CMKLR1: variants seen among roughly 807,000 people sequenced by gnomAD.
The protein encoded by CMKLR1 is chemerin chemokine-like receptor 1.
Under a neutral mutation model 8.2 loss-of-function variants are expected in CMKLR1, and 6 were observed. The observed-to-expected ratio is 0.73, with a 90% CI of 0.40 to 1.44. CMKLR1 has a LOEUF of 1.44. CMKLR1 is among the 40% of genes most tolerant of loss of function. CMKLR1 has a pLI of 0.02. For synonymous variants in CMKLR1, 178 were observed against 181.2 expected (o/e 0.98, Z 0.14); for missense variants, 429 against 478.0 (o/e 0.90, Z 0.96).
At chr12:108,336,312 C>T (rs111747696) in intron 1 of CMKLR1, among the ~76,000 whole-genome samples, 13 of 152,170 alleles carry the variant, frequency 8.5e-5, no homozygotes, top group African/African-American at 2.6e-4. Flanking sequence ...TTTTGGAGGC[C>T]GAGGTGGGTG....
intron 2 of CMKLR1, among the ~76,000 whole-genome samples, chr12:108,319,274 C>T (rs1891802281): frequency 6.6e-6 from 1 of 152,206 alleles, no homozygotes; most frequent in Non-Finnish European, 1.5e-5. Flanking sequence ...CCATCCCTTA[C>T]TTTGCCCCAG....
chr12:108,333,361 C>T (rs1408539251), intron 1 of CMKLR1, among the ~76,000 whole-genome samples: 1 of 152,144 alleles, frequency 6.6e-6, no homozygotes, highest in Non-Finnish European at 1.5e-5. Context: ...AGGCCCAGGG[C>T]ACTCTCCACC....
In CMKLR1 at chr12:108,292,958, C is replaced by G; in HGVS notation, c.5G>C (p.Arg2Thr). The G allele has an allele frequency of 6.2e-7, 1 of 1,603,580 alleles. No individual in the cohort carries two copies. Among genetic ancestry groups the G allele is most frequent in the Non-Finnish European group, 8.5e-7 (1 of 1,173,458 alleles). M[R>T]MEDEDYNTSI... ...AGTGTTGTAATCTTCATCCTCCATT[C>G]TCTGCAAGAGAAGACAGGGACCATT... The change falls in exon 4 of 4, where the codon AGA (arginine) becomes ACA (threonine). Residue 2 changes from arginine to threonine, a missense_variant and splice_region_variant. Coordinates refer to ENST00000550402, the MANE Select transcript of CMKLR1 (RefSeq NM_001142343.2).
intron 2 of CMKLR1, among the ~76,000 whole-genome samples, chr12:108,302,759 T>G (rs1440728111): frequency 6.6e-6 from 1 of 152,160 alleles, no homozygotes; most frequent in Non-Finnish European, 1.5e-5. Flanking sequence ...ACACACGTTT[T>G]GCAAGAATCC....
chr12:108,337,775 T>C (rs1377316500), intron 1 of CMKLR1, among the ~76,000 whole-genome samples: 1 of 152,148 alleles, frequency 6.6e-6, no homozygotes, highest in Admixed American at 6.5e-5. Flanking sequence ...TGACACATCA[T>C]CATTTGAGTG....
At chr12:108,294,255 AC>A (rs1430441573) in intron 2 of CMKLR1, among the ~76,000 whole-genome samples, 1 of 152,206 alleles carries the variant, frequency 6.6e-6, no homozygotes, top group Non-Finnish European at 1.5e-5. Context: ...CCCTATGGGA[AC>A]CATGAATGAG....
rs200591654 is a variant in CMKLR1, at chr12:108,292,259, A to C, written c.704T>G (p.Ile235Ser). Residue 235 changes from isoleucine to serine, a missense_variant, in exon 4 of 4, where the codon ATC (isoleucine) becomes AGC (serine). Physicochemically the swap from Ile to Ser is moderately radical, Grantham distance 142. Coordinates refer to ENST00000550402, the MANE Select transcript of CMKLR1 (RefSeq NM_001142343.2). ...GATGGTGAGGTAGCAAGCTGTGATG[A>C]TGAGGACTGGGACCAGGAAGCCACA... ...FLCGFLVPVL[I>S]ITACYLTIVC... 10 of 1,613,994 alleles carry C rather than the reference A, an allele frequency of 6.2e-6. No individual in the cohort carries two copies. The highest frequency in any genetic ancestry group is 1.3e-5 in the African/African-American group (1 of 74,918).
intron 3 of CMKLR1, among the ~76,000 whole-genome samples, chr12:108,293,197 T>C (rs1034225521): frequency 6.6e-6 from 1 of 152,184 alleles, no homozygotes; most frequent in Non-Finnish European, 1.5e-5. Flanking sequence ...ATGAGGTAGG[T>C]AGGTTATGAG....
chr12:108,319,358 G>A (rs1891803937), intron 2 of CMKLR1, among the ~76,000 whole-genome samples: 1 of 152,148 alleles, frequency 6.6e-6, no homozygotes, highest in Non-Finnish European at 1.5e-5. Flanking sequence ...CAAGCAACTT[G>A]CCCAAGATCA....
intron 2 of CMKLR1, among the ~76,000 whole-genome samples, chr12:108,319,574 T>C (rs1252887267): frequency 6.6e-6 from 1 of 152,236 alleles, no homozygotes; most frequent in Non-Finnish European, 1.5e-5. Context: ...ACAAAGTACA[T>C]ACCTCATAAA....
chr12:108,333,987 A>C (rs1892166263), intron 1 of CMKLR1, among the ~76,000 whole-genome samples: 1 of 152,262 alleles, frequency 6.6e-6, no homozygotes, highest in Non-Finnish European at 1.5e-5. Flanking sequence ...ACTGCATCTC[A>C]GTCCTGGCCT....
rs78384048 is a variant in CMKLR1 at position 108,292,312 on chromosome 12, G to C, written c.651C>G (p.His217Gln). 578 of 1,614,194 alleles carry C rather than the reference G, an allele frequency of 3.6e-4. 8 individuals are homozygous for C. In the East Asian group the frequency reaches 0.013, roughly 36 times the overall value. The change falls in exon 4 of 4, where the codon CAC (histidine) becomes CAG (glutamine). Residue 217 changes from histidine to glutamine, a missense_variant. His to Gln is a conservative substitution (Grantham distance 24, BLOSUM62 0). Coordinates refer to ENST00000550402, the MANE Select transcript of CMKLR1 (RefSeq NM_001142343.2). Reference sequence around the variant, plus strand: ...GGAAGCGGGTGACAGTCACCACCATGTGCCGGCTATACCCCACAGGGTCCA... The same window carrying C: ...GGAAGCGGGTGACAGTCACCACCATCTGCCGGCTATACCCCACAGGGTCCA... ...SQMDPVGYSR[H>Q]MVVTVTRFLC... is the part of the protein sequence containing the mutation.
At chr12:108,305,535 G>T (rs1486610088) in intron 2 of CMKLR1, among the ~76,000 whole-genome samples, 1 of 152,176 alleles carries the variant, frequency 6.6e-6, no homozygotes, top group Non-Finnish European at 1.5e-5. Context: ...CCATTCACCA[G>T]ATCTCCTACC....
At chr12:108,333,481 G>A (rs932265168) in intron 1 of CMKLR1, among the ~76,000 whole-genome samples, 1 of 152,188 alleles carries the variant, frequency 6.6e-6, no homozygotes, top group Non-Finnish European at 1.5e-5. Context: ...ACACCCAGAT[G>A]TGCAAAGGCC....
At chr12:108,295,692 G>T (rs1214098584) in intron 2 of CMKLR1, among the ~76,000 whole-genome samples, 2 of 152,194 alleles carry the variant, frequency 1.3e-5, no homozygotes, top group African/African-American at 4.8e-5. Flanking sequence ...AGGGCACGCC[G>T]GGCATCTCCC....
At position 108,292,234 on chromosome 12, in the gene CMKLR1, G is replaced by A. The variant is rs375211481; in HGVS notation, c.729C>T (p.Ile243=). 134 of 1,614,088 alleles carry A rather than the reference G, an allele frequency of 8.3e-5. No homozygotes were observed. Among genetic ancestry groups the A allele is most frequent in the Non-Finnish European group, 1.1e-4 (124 of 1,179,976 alleles). The change falls in exon 4 of 4, where the codon ATC becomes ATT. Residue 243 remains isoleucine (I), a synonymous_variant. Transcript: ENST00000550402. The stretch of plus-strand genomic sequence containing the variant: ...GGCGGTTGCGCTGCAGTTTGCACAC[G>A]ATGGTGAGGTAGCAAGCTGTGATGA... ...VLIITACYLT[I]VCKLQRNRLA...
intron 2 of CMKLR1, among the ~76,000 whole-genome samples, chr12:108,322,626 T>G (rs934918615): frequency 6.6e-6 from 1 of 151,538 alleles, no homozygotes; most frequent in Non-Finnish European, 1.5e-5. Flanking sequence ...ACTCTGTTAG[T>G]TCCCACAAGA....
chr12:108,297,356 A>G (rs558673359), intron 2 of CMKLR1, among the ~76,000 whole-genome samples: 126 of 152,350 alleles, frequency 8.3e-4, no homozygotes, highest in Non-Finnish European at 1.5e-3. Flanking sequence ...ATACGTGTCA[A>G]TTGGCTGCAT....
chr12:108,310,284 C>T (rs1416019471), intron 2 of CMKLR1, among the ~76,000 whole-genome samples: 1 of 151,968 alleles, frequency 6.6e-6, no homozygotes, highest in Non-Finnish European at 1.5e-5. Flanking sequence ...CAACTTTATC[C>T]TATGGGCAAT....
Sources: gnomAD v4.1 joint callset for allele counts (sites outside exome capture counted in the v4.1 genomes callset) on GRCh38, gnomAD v4.1.1 for gene constraint, MANE v1.5 for transcripts, NCBI Gene and HGNC (gene_info 2026-07-23, HGNC 2026-07-21) for gene names.